The following PHIP variants were observed in gnomAD, a reference collection of about 807,000 sequenced individuals.
PHIP encodes the protein PH-interacting protein.
A neutral mutation model predicts 236.8 loss-of-function variants in PHIP; 54 were observed. The ratio of observed to expected loss-of-function variants is 0.23; its 90% CI spans 0.18 to 0.29. PHIP has a LOEUF of 0.29. PHIP is among the 10% of genes least tolerant of loss of function. The pLI is 1.00. For synonymous variants in PHIP, 756 were observed against 718.9 expected, an observed-to-expected ratio of 1.05 and a Z score of -0.83; for missense variants, 1,370 against 2,190.8, an observed-to-expected ratio of 0.63 and a Z score of 7.48.
intron 32 of PHIP, 69 bp from the exon 33 acceptor site, chr6:78,955,751 C>T (rs1043362657): frequency 1.5e-5 from 9 of 590,316 alleles, no homozygotes; most frequent in East Asian, 5.7e-5. Flanking sequence ...AAAATTTGTT[C>T]GTAAAACCAT....
chr6:78,972,795 G>C (rs1176606659), intron 24 of PHIP, among the ~76,000 whole-genome samples: 2 of 152,134 alleles, frequency 1.3e-5, no homozygotes, highest in Non-Finnish European at 2.9e-5. Flanking sequence ...AAGATGAAAT[G>C]AATGAAATGA....
intron 35 of PHIP, among the ~76,000 whole-genome samples, chr6:78,952,793 G>A (rs1203141816): frequency 6.6e-6 from 1 of 150,498 alleles, no homozygotes; most frequent in Non-Finnish European, 1.5e-5. Flanking sequence ...TTTTCCCTAT[G>A]TTTCTTATTC....
intron 7 of PHIP, among the ~76,000 whole-genome samples, chr6:79,040,703 C>A (rs1047032180): frequency 1.3e-5 from 2 of 152,014 alleles, no homozygotes; most frequent in Admixed American, 1.3e-4. Flanking sequence ...GTGTACCCTA[C>A]CACCACTTGA....
Position 79,057,041 on chromosome 6 carries a change from AAAATT to A in PHIP, c.439+3432_439+3436del, listed in dbSNP as rs546735813. Among the ~76,000 whole-genome samples, 148 of 152,314 alleles carry A rather than the reference AAAATT, an allele frequency of 9.7e-4. 2 individuals carry two copies. The highest frequency in any genetic ancestry group is 3.4e-3 in the Middle Eastern group (1 of 294). On this transcript the variant is annotated intron_variant, in intron 6 of 39. Coordinates refer to ENST00000275034, the MANE Select transcript of PHIP (RefSeq NM_017934.7). ...AAGAAATGAACAGTAAATCTAAAAT[AAAATT>A]ATCTCCAGGCTTCTGGCTTGGAGTA...
intron 15 of PHIP, 130 bp downstream of exon 15, chr6:79,014,952 T>C: frequency 3.1e-6 from 2 of 649,200 alleles, no homozygotes; most frequent in Non-Finnish European, 5.2e-6. Context: ...AATCATTCTT[T>C]ATTGATGGGA....
chr6:79,053,193 A>T (rs981882273), intron 6 of PHIP, among the ~76,000 whole-genome samples: 3 of 152,186 alleles, frequency 2.0e-5, no homozygotes, highest in Non-Finnish European at 2.9e-5. Context: ...GCATGCCTGC[A>T]GTCTCAGCTA....
chr6:79,049,014 A>T (rs956876130), intron 6 of PHIP, among the ~76,000 whole-genome samples: 5 of 151,962 alleles, frequency 3.3e-5, no homozygotes, highest in African/African-American at 1.2e-4. Context: ...TCAGTATTTT[A>T]TGAGAAGGTT....
intron 4 of PHIP, among the ~76,000 whole-genome samples, chr6:79,073,527 T>A (rs751677799): frequency 6.6e-6 from 1 of 152,150 alleles, no homozygotes; most frequent in Non-Finnish European, 1.5e-5. Flanking sequence ...ATCTTCAATA[T>A]AGAATGGGAA....
chr6:78,987,306 G>A (rs775797400), intron 21 of PHIP, among the ~76,000 whole-genome samples: 1 of 151,948 alleles, frequency 6.6e-6, no homozygotes, highest in African/African-American at 2.4e-5. Flanking sequence ...TTTATGTTTT[G>A]TATGTCTATC....
chr6:79,003,022 A>G (rs1313190879), intron 16 of PHIP, among the ~76,000 whole-genome samples: 1 of 152,104 alleles, frequency 6.6e-6, no homozygotes, highest in Non-Finnish European at 1.5e-5. Context: ...AAACTACTCA[A>G]TATTTACTAT....
intron 4 of PHIP, among the ~76,000 whole-genome samples, chr6:79,076,971 T>C (rs747769818): frequency 1.3e-5 from 2 of 152,226 alleles, no homozygotes; most frequent in Non-Finnish European, 2.9e-5. Flanking sequence ...CTGGATAGCC[T>C]GCTTGTGAAA....
At chr6:79,025,879 A>G in intron 8 of PHIP, 64 bp downstream of exon 8, 1 of 1,225,496 alleles carries the variant, frequency 8.2e-7, no homozygotes, top group Non-Finnish European at 1.2e-6. Flanking sequence ...AAGTGACTTC[A>G]TTAAATTTAC....
Position 78,963,178 on chromosome 6 carries a change from G to T in PHIP, c.3454C>A (p.Leu1152Ile). 6.2e-7 allele frequency: 1 copy of T among 1,611,348 alleles called. No individual in the cohort carries two copies. Among genetic ancestry groups the T allele is most frequent in the South Asian group, 1.1e-5 (1 of 90,664 alleles). Residue 1152 changes from leucine to isoleucine, a missense_variant, in exon 30 of 40, where the codon CTT (leucine) becomes ATT (isoleucine). Physicochemically the swap from Leu to Ile is conservative, Grantham distance 5 (BLOSUM62 2). Coordinates refer to ENST00000275034, the MANE Select transcript of PHIP (RefSeq NM_017934.7). ...GGATTGGTACCCCATTCTCCATCAA[G>T]AGGTTTATAGATTAGTGATCTGCAC... Reference protein sequence around the residue: ...GECRSLIYKPLDGEWGTNPRD... With the variant: ...GECRSLIYKPIDGEWGTNPRD...
chr6:79,032,127 A>G (rs2127752594), intron 7 of PHIP, among the ~76,000 whole-genome samples: 1 of 152,342 alleles, frequency 6.6e-6, no homozygotes, highest in East Asian at 1.9e-4. Flanking sequence ...ACATTAACTT[A>G]AAAATACTTT....
intron 26 of PHIP, 56 bp from the exon 27 acceptor site, chr6:78,969,973 A>G: frequency 1.3e-6 from 2 of 1,578,862 alleles, no homozygotes; most frequent in Non-Finnish European, 1.7e-6. Context: ...TACCTAAAAG[A>G]TGTTCAAATG....
At chr6:79,006,617 C>T (rs1446427980) in intron 15 of PHIP, among the ~76,000 whole-genome samples, 1 of 151,974 alleles carries the variant, frequency 6.6e-6, no homozygotes, top group African/African-American at 2.4e-5. Flanking sequence ...AAATTAAATG[C>T]ACTGCGTATC....
At chr6:79,018,053 A>G (rs1168451850) in intron 10 of PHIP, among the ~76,000 whole-genome samples, 1 of 151,938 alleles carries the variant, frequency 6.6e-6, no homozygotes, top group Admixed American at 6.6e-5. Flanking sequence ...GTTTTGTAGC[A>G]TATTCATTCT....
intron 35 of PHIP, among the ~76,000 whole-genome samples, chr6:78,953,699 T>C (rs979338378): frequency 5.3e-5 from 8 of 152,192 alleles, no homozygotes; most frequent in Non-Finnish European, 8.8e-5. Context: ...TATCTGTTGA[T>C]GAAATTTCTT....
chr6:79,076,156 C>G (rs572910748), intron 4 of PHIP, among the ~76,000 whole-genome samples: 1 of 152,234 alleles, frequency 6.6e-6, no homozygotes, highest in South Asian at 2.1e-4. Flanking sequence ...GAGCGGTTAT[C>G]AACATCTTAT....
Sources: allele counts gnomAD v4.1 joint callset (sites outside exome capture counted in the v4.1 genomes callset), GRCh38; gene constraint gnomAD v4.1.1; transcripts MANE v1.5; gene names NCBI Gene and HGNC (gene_info 2026-07-23, HGNC 2026-07-21).